The following BRWD1 variants were observed in gnomAD, a reference collection of about 807,000 sequenced individuals.
BRWD1 encodes the protein bromodomain and WD repeat domain containing 1.
In BRWD1, 82 loss-of-function variants were observed where a neutral mutation model predicts 251.2. The ratio of observed to expected loss-of-function variants is 0.33; its 90% confidence interval spans 0.27 to 0.39. The LOEUF is 0.39. Among genes scored for constraint, BRWD1 ranks in the 10% least tolerant of loss-of-function variants. The pLI, the probability that BRWD1 is intolerant of heterozygous loss-of-function variation, is 1.00. For missense variants in BRWD1, 2,233 were observed against 2,711.6 expected, an observed-to-expected ratio of 0.82 and a Z score of 3.92; for synonymous variants, 918 against 902.8, an observed-to-expected ratio of 1.02 and a Z score of -0.30.
At chr21:39,305,668 T>C (rs962439860) in intron 4 of BRWD1, among the ~76,000 whole-genome samples, 14 of 152,012 alleles carry the variant, frequency 9.2e-5, no homozygotes, top group African/African-American at 1.4e-4. Flanking sequence ...ATAGAGACCA[T>C]CCTGGCCAAC....
Position 39,191,771 on chromosome 21 carries a change from C to G in BRWD1, c.*4488G>C, listed in dbSNP as rs1271605933. 2.0e-6 allele frequency: 2 copies of G among 985,216 alleles called. No homozygotes were observed. The allele number at this position is 985,216 out of a possible 1,614,324, so 61.0% of individuals were successfully genotyped here. The stretch of plus-strand genomic sequence containing the variant: ...CATCTAGGCTCTATATACTGGTCAT[C>G]TCATTTCAGTTAGGTCAATTGGACT... On this transcript the variant is annotated 3_prime_UTR_variant, in exon 41 of 41. Coordinates refer to ENST00000342449, the MANE Select transcript of BRWD1 (RefSeq NM_033656.4).
At chr21:39,310,971 T>C (rs529518088) in intron 4 of BRWD1, among the ~76,000 whole-genome samples, 88 of 152,118 alleles carry the variant, frequency 5.8e-4, no homozygotes, top group Middle Eastern at 6.8e-3. Flanking sequence ...CACTCAGTCC[T>C]GGGGGACTGG....
chr21:39,300,859 T>G (rs542031108), intron 4 of BRWD1, among the ~76,000 whole-genome samples: 19 of 152,134 alleles, frequency 1.2e-4, no homozygotes, highest in Non-Finnish European at 2.6e-4. Flanking sequence ...AATTACACAT[T>G]AAACTATTTG....
chr21:39,295,054 G>A (rs190996154), intron 7 of BRWD1, among the ~76,000 whole-genome samples: 3 of 151,984 alleles, frequency 2.0e-5, no homozygotes, highest in Admixed American at 1.3e-4. Context: ...TGAATCACTT[G>A]TAGAGGTCTG....
intron 21 of BRWD1, among the ~76,000 whole-genome samples, chr21:39,245,445 A>T (rs1432110009): frequency 1.3e-5 from 2 of 152,174 alleles, no homozygotes; most frequent in African/African-American, 4.8e-5. Context: ...AAAGTAAAAG[A>T]ATTTGGATTT....
In BRWD1 at chr21:39,191,287, AC is replaced by A. The variant is rs2031539162; in HGVS notation, c.*4971del. On this transcript the variant is annotated 3_prime_UTR_variant, in exon 41 of 41. Transcript: ENST00000342449. ...CATATGTAAAACTCACAGCGCTCGC[AC>A]CCCTATATTCTGCCTGCATGAAAAG... 5.1e-6 allele frequency: 5 copies of A among 985,098 alleles called. No individual in the cohort carries two copies. Among genetic ancestry groups the A allele is most frequent in the African/African-American group, 1.7e-5 (1 of 57,180 alleles). The allele number at this position is 985,098 out of a possible 1,614,324, so 61.0% of individuals were successfully genotyped here. A position where few individuals can be genotyped will look rare whatever the true frequency, so the allele number is the denominator to read the frequency against.
intron 29 of BRWD1, 89 bp downstream of exon 29, chr21:39,224,319 T>C: frequency 4.3e-6 from 3 of 691,338 alleles, no homozygotes; most frequent in Non-Finnish European, 4.7e-6. Context: ...ATATTGATCA[T>C]AGAATACAAA....
intron 23 of BRWD1, among the ~76,000 whole-genome samples, chr21:39,233,147 T>C (rs2146556132): frequency 6.6e-6 from 1 of 152,192 alleles, no homozygotes; most frequent in Middle Eastern, 3.4e-3. Flanking sequence ...AGCAGCCAGC[T>C]AAGGAGAGAC....
In BRWD1 at chr21:39,188,976, G is replaced by A. The variant is rs969345191; in HGVS notation, c.*7283C>T. 1 of 985,356 alleles carries A rather than the reference G, an allele frequency of 1.0e-6. No individual in the cohort carries two copies. 61.0% of individuals were successfully genotyped at this position (985,356 alleles called of 1,614,324 possible). Reference sequence around the variant, plus strand: ...TACCTCCTTCAGCTGGACTCTGTGGGAAGAGAAGTGGCTTAAAGTGCACTG... The same window carrying A: ...TACCTCCTTCAGCTGGACTCTGTGGAAAGAGAAGTGGCTTAAAGTGCACTG... On this transcript the variant is annotated 3_prime_UTR_variant, in exon 41 of 41. Coordinates refer to ENST00000342449, the MANE Select transcript of BRWD1 (RefSeq NM_033656.4).
intron 4 of BRWD1, among the ~76,000 whole-genome samples, chr21:39,299,284 G>A (rs1235575303): frequency 1.3e-5 from 2 of 151,592 alleles, no homozygotes; most frequent in Admixed American, 6.6e-5. Context: ...TAACTGGCCT[G>A]TAAGTGAAGC....
chr21:39,314,269 G>A (rs1051198354), upstream of BRWD1: 19 of 455,786 alleles, frequency 4.2e-5, no homozygotes, highest in South Asian at 2.5e-4. Flanking sequence ...CGTCTGCGGC[G>A]CTGAAGGCTG....
intron 8 of BRWD1, among the ~76,000 whole-genome samples, chr21:39,284,143 G>T (rs2035557711): frequency 6.6e-6 from 1 of 152,174 alleles, no homozygotes; most frequent in Non-Finnish European, 1.5e-5. Flanking sequence ...ATGAAAGAAT[G>T]TATTATTTAT....
intron 4 of BRWD1, among the ~76,000 whole-genome samples, chr21:39,304,853 T>A (rs1005069684): frequency 6.6e-6 from 1 of 151,840 alleles, no homozygotes; most frequent in Non-Finnish European, 1.5e-5. Context: ...TTCTAATATT[T>A]AAGGTCAATT....
upstream of BRWD1, chr21:39,313,695 G>T: frequency 2.6e-6 from 1 of 383,720 alleles, no homozygotes; most frequent in Non-Finnish European, 4.6e-6. Flanking sequence ...TAGTCCCTCC[G>T]CGGGGGGCGG....
In BRWD1 at chr21:39,193,061, A is replaced by G; in HGVS notation, c.*3198T>C. 2 of 985,162 alleles carry G rather than the reference A, an allele frequency of 2.0e-6. No homozygotes were observed. The highest frequency in any genetic ancestry group is 2.4e-6 in the Non-Finnish European group (2 of 829,742). 61.0% of individuals were successfully genotyped at this position (985,162 alleles called of 1,614,324 possible). On this transcript the variant is annotated 3_prime_UTR_variant, in exon 41 of 41. Coordinates refer to ENST00000342449, the MANE Select transcript of BRWD1 (RefSeq NM_033656.4). ...ATCTTATTCTTTACTTTTGGACAGT[A>G]ACACCCTCAGATGGTATTTTTATTG...
intron 8 of BRWD1, among the ~76,000 whole-genome samples, chr21:39,281,901 T>C (rs1287564253): frequency 1.5e-5 from 2 of 132,416 alleles, no homozygotes; most frequent in African/African-American, 2.9e-5. Context: ...TATGTATGTA[T>C]GTATACATGT....
chr21:39,307,855 C>T (rs2036339367), intron 4 of BRWD1, among the ~76,000 whole-genome samples: 1 of 152,146 alleles, frequency 6.6e-6, no homozygotes, highest in Non-Finnish European at 1.5e-5. Flanking sequence ...TAATTTCTTT[C>T]CTCTATAGAT....
rs145110424 is a variant in BRWD1 at position 39,226,395 on chromosome 21, G to A, written c.3209-1198C>T. Among the ~76,000 whole-genome samples the A allele has an allele frequency of 7.9e-3, 1,198 of 152,172 alleles. 8 individuals are homozygous for A. Among genetic ancestry groups the A allele is most frequent in the Middle Eastern group, 0.027 (8 of 294 alleles). ...AATGAATTAAAGTGTAGTATAACAGGTCTGGTCCAATAATTTCTCAACCAC... is the reference window on the plus strand; with the variant it reads ...AATGAATTAAAGTGTAGTATAACAGATCTGGTCCAATAATTTCTCAACCAC... On this transcript the variant is annotated intron_variant, in intron 27 of 40. Coordinates refer to ENST00000342449, the MANE Select transcript of BRWD1 (RefSeq NM_033656.4).
rs1399129659 is a variant in BRWD1, at chr21:39,190,765, C to T, written c.*5494G>A. On this transcript the variant is annotated 3_prime_UTR_variant, in exon 41 of 41. Transcript: ENST00000342449. Reference sequence around the variant, plus strand: ...TAACTTGCTGTGTTTTTAAACAGTTCCGTTTTCTAGGGGGAGCTGGTAACA... The same window carrying T: ...TAACTTGCTGTGTTTTTAAACAGTTTCGTTTTCTAGGGGGAGCTGGTAACA... 7.1e-6 allele frequency: 7 copies of T among 985,210 alleles called. No homozygotes were observed. Among genetic ancestry groups the T allele is most frequent in the Non-Finnish European group, 8.4e-6 (7 of 829,910 alleles). The allele number at this position is 985,210 out of a possible 1,614,324, so 61.0% of individuals were successfully genotyped here.
Sources: allele counts gnomAD v4.1 joint callset (sites outside exome capture counted in the v4.1 genomes callset), GRCh38; gene constraint gnomAD v4.1.1; transcripts MANE v1.5; gene names NCBI Gene and HGNC (gene_info 2026-07-23, HGNC 2026-07-21).